Variants in ASTN2 observed in about 807,000 individuals in gnomAD.
The protein encoded by ASTN2 is astrotactin 2, also known as astrotactin-2.
ASTN2 carries 54 observed loss-of-function variants against 139.8 expected under a neutral mutation model. The observed-to-expected ratio is 0.39, with a 90% CI of 0.31 to 0.48. The LOEUF (loss-of-function observed/expected upper bound fraction) is 0.48, where lower values mean the gene tolerates loss of function less well. ASTN2 is among the 20% of genes least tolerant of loss of function. The pLI, the probability that ASTN2 is intolerant of heterozygous loss-of-function variation, is 0.95. For synonymous variants in ASTN2, 756 were observed against 719.5 expected (o/e 1.05, Z -0.81); for missense variants, 1,565 against 1,725.1 (o/e 0.91, Z 1.64).
chr9:116,780,301 A>T (rs998257748), intron 13 of ASTN2, among the ~76,000 whole-genome samples: 1 of 152,238 alleles, frequency 6.6e-6, no homozygotes, highest in Non-Finnish European at 1.5e-5. Flanking sequence ...CATATGCATT[A>T]TCTGATTTAA....
At chr9:116,763,387 C>G (rs2044060) in intron 13 of ASTN2, among the ~76,000 whole-genome samples, 1 of 152,120 alleles carries the variant, frequency 6.6e-6, no homozygotes, top group Non-Finnish European at 1.5e-5. Flanking sequence ...CACTCTGCCC[C>G]CTGAATGCAG....
At chr9:116,700,030 C>T (rs1009722752) in intron 16 of ASTN2, 4 of 387,610 alleles carry the variant, frequency 1.0e-5, no homozygotes, top group Non-Finnish European at 2.0e-5. Flanking sequence ...GAAATTTGCC[C>T]TTGTATTAAA....
chr9:117,173,580 A>G (rs1447538693), intron 3 of ASTN2, among the ~76,000 whole-genome samples: 1 of 152,096 alleles, frequency 6.6e-6, no homozygotes, highest in Non-Finnish European at 1.5e-5. Flanking sequence ...TAGTGTTAAT[A>G]ACAAAAAGTT....
At chr9:116,731,749 A>G (rs1019643106) in intron 14 of ASTN2, among the ~76,000 whole-genome samples, 7 of 152,182 alleles carry the variant, frequency 4.6e-5, no homozygotes, top group African/African-American at 1.7e-4. Flanking sequence ...AGAGGAAGAA[A>G]CTGAGGCTCA....
chr9:116,569,320 T>C (rs1435667033), intron 19 of ASTN2, among the ~76,000 whole-genome samples: 5 of 152,208 alleles, frequency 3.3e-5, no homozygotes, highest in Non-Finnish European at 5.9e-5. Flanking sequence ...AACAGAAGCA[T>C]GGTGAACATC....
intron 11 of ASTN2, among the ~76,000 whole-genome samples, chr9:116,827,457 A>G (rs2096496258): frequency 6.6e-6 from 1 of 152,142 alleles, no homozygotes; most frequent in African/African-American, 2.4e-5. Context: ...AAATGAAAAA[A>G]TAATTTTTTG....
chr9:117,305,845 C>T (rs1834985726), intron 1 of ASTN2, among the ~76,000 whole-genome samples: 1 of 152,236 alleles, frequency 6.6e-6, no homozygotes, highest in Non-Finnish European at 1.5e-5. Context: ...GGTAACAATG[C>T]TGAGTTACTG....
intron 5 of ASTN2, among the ~76,000 whole-genome samples, chr9:117,071,721 T>C (rs1828135170): frequency 6.7e-6 from 1 of 149,684 alleles, no homozygotes; most frequent in South Asian, 2.2e-4. Context: ...TGGTGCGCCG[T>C]TTCTTAAGCC....
intron 5 of ASTN2, among the ~76,000 whole-genome samples, chr9:117,076,898 G>A (rs1384139888): frequency 6.6e-6 from 1 of 151,780 alleles, no homozygotes; most frequent in Non-Finnish European, 1.5e-5. Context: ...CCCTTTGATT[G>A]TATCTGATCC....
chr9:116,578,524 T>A (rs1181326311), intron 19 of ASTN2, among the ~76,000 whole-genome samples: 1 of 149,472 alleles, frequency 6.7e-6, no homozygotes, highest in Non-Finnish European at 1.5e-5. Context: ...AATTATGAAA[T>A]CAGAATTCCA....
intron 11 of ASTN2, among the ~76,000 whole-genome samples, chr9:116,836,565 A>G (rs1261600807): frequency 6.8e-6 from 1 of 146,118 alleles, no homozygotes; most frequent in Non-Finnish European, 1.5e-5. Flanking sequence ...TTGGCTAGGG[A>G]GAGCAGTTTT....
chr9:116,958,390 A>G (rs1835780706), intron 10 of ASTN2, among the ~76,000 whole-genome samples: 1 of 152,104 alleles, frequency 6.6e-6, no homozygotes, highest in African/African-American at 2.4e-5. Flanking sequence ...GGAGATTGAG[A>G]CCATCCTGGC....
At chr9:116,974,929 G>C (rs967602479) in intron 10 of ASTN2, among the ~76,000 whole-genome samples, 1 of 152,168 alleles carries the variant, frequency 6.6e-6, no homozygotes, top group East Asian at 1.9e-4. Flanking sequence ...GTTAAGTAAA[G>C]ATAAGATCAT....
At chr9:117,091,578 G>T (rs1828707436) in intron 5 of ASTN2, among the ~76,000 whole-genome samples, 1 of 152,030 alleles carries the variant, frequency 6.6e-6, no homozygotes, top group African/African-American at 2.4e-5. Flanking sequence ...GTGATGGGGG[G>T]GCAGGTGAAT....
At chr9:117,065,863 C>T (rs560032300) in intron 5 of ASTN2, among the ~76,000 whole-genome samples, 53 of 152,176 alleles carry the variant, frequency 3.5e-4, no homozygotes, top group African/African-American at 1.2e-3. Flanking sequence ...GCTTTGGGGT[C>T]AAATAGGCAT....
intron 13 of ASTN2, among the ~76,000 whole-genome samples, chr9:116,746,860 T>C (rs1829250964): frequency 6.6e-6 from 1 of 152,172 alleles, no homozygotes; most frequent in African/African-American, 2.4e-5. Flanking sequence ...GTCTGTCTTA[T>C]TCACTGCTGT....
At chr9:116,627,638 A>G (rs1225839085) in intron 17 of ASTN2, among the ~76,000 whole-genome samples, 1 of 152,178 alleles carries the variant, frequency 6.6e-6, no homozygotes, top group Admixed American at 6.5e-5. Flanking sequence ...TAGGAAACTG[A>G]GGTCTGAAGG....
chr9:116,478,078 G>C (rs926937082), intron 20 of ASTN2, among the ~76,000 whole-genome samples: 1 of 146,892 alleles, frequency 6.8e-6, no homozygotes, highest in Non-Finnish European at 1.5e-5. Context: ...AAATATGGGA[G>C]AGGAAGCAGG....
Position 117,127,309 on chromosome 9 carries a change from C to A in ASTN2, c.1168+14017G>T, listed in dbSNP as rs937841940. Reference sequence around the variant, plus strand: ...TCCGCAACACTGCACTGAAAGGGAGCTCACCAGCGTTTCTCGGCTAACACC... The same window carrying A: ...TCCGCAACACTGCACTGAAAGGGAGATCACCAGCGTTTCTCGGCTAACACC... On this transcript the variant is annotated intron_variant, in intron 4 of 22. Transcript: ENST00000313400. 6.6e-5 allele frequency among the ~76,000 whole-genome samples: 10 copies of A among 152,348 alleles called. No individual in the cohort carries two copies. The South Asian group carries it at 8.3e-4, about 13-fold the overall frequency.
Sources: gnomAD v4.1 joint callset for allele counts (sites outside exome capture counted in the v4.1 genomes callset) on GRCh38, gnomAD v4.1.1 for gene constraint, MANE v1.5 for transcripts, NCBI Gene and HGNC (gene_info 2026-07-23, HGNC 2026-07-21) for gene names.